WNK2: variants seen among roughly 807,000 people sequenced by gnomAD.
WNK2 encodes WNK lysine deficient protein kinase 2.
In WNK2, 67 loss-of-function variants were observed where a neutral mutation model predicts 192.1. That is an observed-to-expected ratio of 0.35 (90% confidence interval 0.29 to 0.43). The LOEUF is 0.43. Ranked by LOEUF, WNK2 falls within the 20% of genes least tolerant of loss-of-function variation. The pLI, the probability that WNK2 is intolerant of heterozygous loss-of-function variation, is 1.00. For missense variants in WNK2, 2,698 were observed against 3,089.7 expected (o/e 0.87, Z 3.01); for synonymous variants, 1,439 against 1,393.9 (o/e 1.03, Z -0.72).
rs1395186136 is a variant in WNK2 at position 93,247,325 on chromosome 9, A to G, written c.1543-218A>G. Among the ~76,000 whole-genome samples the G allele has an allele frequency of 3.3e-5, 5 of 152,194 alleles. No individual in the cohort carries two copies. Among genetic ancestry groups the G allele is most frequent in the Non-Finnish European group, 2.9e-5 (2 of 68,036 alleles). On this transcript the variant is annotated intron_variant, in intron 7 of 29. Transcript: ENST00000427277. The surrounding 1 kb of genome is among the most constrained non-coding windows in gnomAD (Gnocchi z 5.2). ...TCTTGCTGTGGACTCTGCGGGATGC[A>G]GGTCAGGCCTGCGTGGTGGTGGTCT...
At chr9:93,315,661 A>G (rs1462910324) in intron 28 of WNK2, 1 of 152,034 alleles carries the variant, frequency 6.6e-6, no homozygotes, top group East Asian at 1.9e-4. Context: ...GCCTCAGACT[A>G]CCTCCTCTTC....
At position 93,292,616 on chromosome 9, in the gene WNK2, C is replaced by A. The variant is rs758514951; in HGVS notation, c.5151C>A (p.His1717Gln). 10 of 1,583,226 alleles carry A rather than the reference C, an allele frequency of 6.3e-6. No individual in the cohort carries two copies. The African/African-American group carries it at 1.2e-4, about 19-fold the overall frequency. The change falls in exon 23 of 30, where the codon CAC becomes CAA. Residue 1717 changes from histidine (H) to glutamine (Q), a missense_variant. Coordinates refer to ENST00000427277, the MANE Select transcript of WNK2 (RefSeq NM_006648.4). ...GCACAGTGGGGGGCCAGGCTAGCCACCCCCAGACACTCGGCGCTCGAGCTT... is the reference window on the plus strand; with the variant it reads ...GCACAGTGGGGGGCCAGGCTAGCCAACCCCAGACACTCGGCGCTCGAGCTT... ...DMGTVGGQAS[H>Q]PQTLGARALG... is the part of the protein sequence containing the mutation.
chr9:93,288,407 C>T (rs1848754858), intron 19 of WNK2, among the ~76,000 whole-genome samples: 1 of 152,200 alleles, frequency 6.6e-6, no homozygotes, highest in African/African-American at 2.4e-5. Flanking sequence ...AGACAAGAGC[C>T]GTATCTTTCT....
At chr9:93,214,832 T>C (rs1835449872) in intron 2 of WNK2, among the ~76,000 whole-genome samples, 1 of 152,000 alleles carries the variant, frequency 6.6e-6, no homozygotes, top group South Asian at 2.1e-4. Flanking sequence ...TTAGCACTTC[T>C]TGAATCTATG....
At chr9:93,245,547 C>T (rs1304682082) in intron 7 of WNK2, among the ~76,000 whole-genome samples, 1 of 152,268 alleles carries the variant, frequency 6.6e-6, no homozygotes, top group Non-Finnish European at 1.5e-5. Flanking sequence ...TAGGCAGATG[C>T]TGGCTCTGAG....
intron 9 of WNK2, among the ~76,000 whole-genome samples, chr9:93,255,432 C>T (rs1412563248): frequency 6.6e-6 from 1 of 152,182 alleles, no homozygotes; most frequent in Non-Finnish European, 1.5e-5. Context: ...GGCCCATCCT[C>T]CACTCCCTGG....
chr9:93,284,637 G>T (rs563428628), intron 19 of WNK2, among the ~76,000 whole-genome samples: 247 of 152,072 alleles, frequency 1.6e-3, no homozygotes, highest in Non-Finnish European at 2.5e-3. Flanking sequence ...AGGGGGAGAG[G>T]TAAAAAGGGA....
chr9:93,194,732 G>A (rs1051874940), intron 2 of WNK2, among the ~76,000 whole-genome samples: 4 of 152,160 alleles, frequency 2.6e-5, no homozygotes, highest in Admixed American at 2.0e-4. Context: ...TAAAAACTTA[G>A]GTCCACACAA....
chr9:93,305,261 T>C (rs1852315544), intron 26 of WNK2, among the ~76,000 whole-genome samples: 1 of 152,174 alleles, frequency 6.6e-6, no homozygotes. Flanking sequence ...GCCAGGGAAA[T>C]TGGTGCTCAC....
At position 93,267,906 on chromosome 9, in the gene WNK2, G is replaced by T. The variant is rs1300598443; in HGVS notation, c.3857G>T (p.Gly1286Val). The change falls in exon 17 of 30, where the codon GGC becomes GTC. Residue 1286 changes from glycine (G) to valine (V), a missense_variant. Transcript: ENST00000427277. ...CCACACCTCAGCACCTGCGGCCTGG[G>T]CACCGGGGAGGTGAGGTTGTGAAAT... is the stretch of plus-strand genomic sequence containing the variant. Reference protein sequence around the residue: ...SPPHLSTCGLGTGEESRQSQA... With the variant: ...SPPHLSTCGLVTGEESRQSQA... 1 of 1,612,362 alleles carries T rather than the reference G, an allele frequency of 6.2e-7. No homozygotes were observed. The highest frequency in any genetic ancestry group is 1.1e-5 in the South Asian group (1 of 90,724).
intron 19 of WNK2, among the ~76,000 whole-genome samples, chr9:93,285,197 G>A (rs1354514550): frequency 6.6e-6 from 1 of 152,138 alleles, no homozygotes; most frequent in African/African-American, 2.4e-5. Flanking sequence ...TTTCTATTTT[G>A]AAGTAGAAAT....
chr9:93,315,116 C>T (rs1854382151), intron 28 of WNK2, among the ~76,000 whole-genome samples: 1 of 152,124 alleles, frequency 6.6e-6, no homozygotes, highest in African/African-American at 2.4e-5. Flanking sequence ...CAGGACCATA[C>T]CAGGAAAGCC....
At chr9:93,236,232 T>C (rs1213864163) in intron 5 of WNK2, among the ~76,000 whole-genome samples, 1 of 152,110 alleles carries the variant, frequency 6.6e-6, no homozygotes, top group Non-Finnish European at 1.5e-5. Flanking sequence ...CTGGGTTCAC[T>C]GTGGAGGGTG....
intron 9 of WNK2, among the ~76,000 whole-genome samples, chr9:93,253,908 G>T (rs547042334): frequency 2.2e-4 from 33 of 152,282 alleles, no homozygotes; most frequent in Admixed American, 2.0e-3. Context: ...CCCTCAGAGC[G>T]TAGTTTGTTT....
intron 3 of WNK2, among the ~76,000 whole-genome samples, chr9:93,230,110 C>T (rs977033975): frequency 1.3e-5 from 2 of 152,122 alleles, no homozygotes; most frequent in African/African-American, 2.4e-5. Context: ...GGAGCCAGCC[C>T]GGCACATACT....
At chr9:93,252,170 T>C (rs867635694) in intron 8 of WNK2, among the ~76,000 whole-genome samples, 1 of 152,220 alleles carries the variant, frequency 6.6e-6, no homozygotes, top group South Asian at 2.1e-4. Flanking sequence ...GCTGAAGATG[T>C]TCCCAGGCAC....
chr9:93,294,849 A>G (rs1849979666), intron 23 of WNK2, among the ~76,000 whole-genome samples: 1 of 152,090 alleles, frequency 6.6e-6, no homozygotes, highest in Admixed American at 6.5e-5. Context: ...CAGGAAGTGG[A>G]TGCTGGGAGG....
In WNK2 at chr9:93,247,680, C is replaced by G; in HGVS notation, c.1680C>G (p.Ser560Arg). The G allele has an allele frequency of 6.4e-7, 1 of 1,574,394 alleles. No individual in the cohort carries two copies. Among genetic ancestry groups the G allele is most frequent in the Non-Finnish European group, 8.6e-7 (1 of 1,160,088 alleles). ...CCAAGGAGCAGCAGGATGTGGGCAG[C>G]CCGGACAAGGCCAGGGGTCCGCCGG... ...LQPKEQQDVG[S>R]PDKARGPPVP... Residue 560 changes from serine (S) to arginine (R), a missense_variant, in exon 8 of 30, where the codon AGC (serine) becomes AGG (arginine). Physicochemically the swap from Ser to Arg is moderately radical, Grantham distance 110 (BLOSUM62 -1). Coordinates refer to ENST00000427277, the MANE Select transcript of WNK2 (RefSeq NM_006648.4). The surrounding 1 kb of genome is among the most constrained non-coding windows in gnomAD (Gnocchi z 5.2).
chr9:93,318,480 T>G (rs1564254236), intron 29 of WNK2: 2 of 1,614,012 alleles, frequency 1.2e-6, no homozygotes. Flanking sequence ...TGTCAGTTGT[T>G]GCGCTGGGCC....
Sources: gnomAD v4.1 joint callset for allele counts (sites outside exome capture counted in the v4.1 genomes callset) on GRCh38, gnomAD v4.1.1 for gene constraint, Gnocchi (gnomAD v3.1) non-coding constraint, MANE v1.5 for transcripts, NCBI Gene and HGNC (gene_info 2026-07-23, HGNC 2026-07-21) for gene names.